The following XXYLT1 variants were observed in gnomAD, a reference collection of about 807,000 sequenced individuals.
XXYLT1 encodes UDP-xylose:alpha-xyloside alpha-1,3-xylosyltransferase.
Under a neutral mutation model 28.9 loss-of-function variants are expected in XXYLT1, and 20 were observed. That is an observed-to-expected ratio of 0.69 (90% CI 0.49 to 1.00). The LOEUF (loss-of-function observed/expected upper bound fraction) is 1.00, where lower values mean the gene tolerates loss of function less well. Ranked by LOEUF, XXYLT1 falls within the 50% of genes least tolerant of loss-of-function variation. The pLI, the probability that XXYLT1 is intolerant of heterozygous loss-of-function variation, is 0.00. For synonymous variants in XXYLT1, 257 were observed against 253.8 expected (o/e 1.01, Z -0.12); for missense variants, 542 against 560.1 (o/e 0.97, Z 0.33).
At position 195,124,920 on chromosome 3, in the gene XXYLT1, T is replaced by G. The variant is rs1235798043; in HGVS notation, c.785+31529A>C. On this transcript the variant is annotated intron_variant, in intron 3 of 3. Transcript: ENST00000310380. The surrounding 1 kb of genome is among the most constrained non-coding windows in gnomAD (Gnocchi z 4.1). ...CTATCAGGCTGCGGGTGCACAAGGC[T>G]GTCCCGGGTTATTTGAAGGACAGAG... Among the ~76,000 whole-genome samples, 1 of 152,222 alleles carries G rather than the reference T, an allele frequency of 6.6e-6. No homozygotes were observed. Among genetic ancestry groups the G allele is most frequent in the Non-Finnish European group, 1.5e-5 (1 of 68,038 alleles).
chr3:195,251,882 G>A (rs1239260813), intron 1 of XXYLT1, among the ~76,000 whole-genome samples: 2 of 152,188 alleles, frequency 1.3e-5, no homozygotes, highest in African/African-American at 4.8e-5. Flanking sequence ...GCCCCTTCCA[G>A]GCGTGACCCT....
intron 3 of XXYLT1, among the ~76,000 whole-genome samples, chr3:195,097,272 C>T (rs1716500466): frequency 6.6e-6 from 1 of 152,224 alleles, no homozygotes; most frequent in Non-Finnish European, 1.5e-5. Flanking sequence ...GAGAGATATA[C>T]TGTAGCTGAC....
chr3:195,125,414 T>G (rs948708344), intron 3 of XXYLT1, among the ~76,000 whole-genome samples: 1 of 152,092 alleles, frequency 6.6e-6, no homozygotes. Context: ...TCTCCTTAGG[T>G]AGGGCCATGG....
At chr3:195,082,781 A>C (rs6774906) in intron 3 of XXYLT1, among the ~76,000 whole-genome samples, 17,304 of 151,884 alleles carry the variant, frequency 0.11, 1,751 homozygotes, top group African/African-American at 0.27. Flanking sequence ...CCCCGGGGGA[A>C]GGAGGTTGCA....
At position 195,256,704 on chromosome 3, in the gene XXYLT1, C is replaced by G. The variant is rs536790730; in HGVS notation, c.504+13851G>C. 10 of 491,238 alleles carry G rather than the reference C, an allele frequency of 2.0e-5. No homozygotes were observed. The highest frequency in any genetic ancestry group is 1.3e-4 in the Admixed American group (2 of 15,676). The allele number at this position is 491,238 out of a possible 1,614,324, so 30.4% of individuals were successfully genotyped here. A position where few individuals can be genotyped will look rare whatever the true frequency, so the allele number is the denominator to read the frequency against. ...TCCCCACTCCTCTTATGATGAGAAA[C>G]TGAGGCAAAGACATCAGAAGGCCTT... On this transcript the variant is annotated intron_variant, in intron 1 of 3. Transcript: ENST00000310380. This position sits in a 1 kb window ranked among gnomAD's most constrained non-coding sequence, Gnocchi z 4.2.
At chr3:195,244,279 G>A (rs1279976752) in intron 1 of XXYLT1, among the ~76,000 whole-genome samples, 1 of 152,202 alleles carries the variant, frequency 6.6e-6, no homozygotes, top group Admixed American at 6.5e-5. Flanking sequence ...CAACAGGACG[G>A]CGTGTCTCCA....
chr3:195,073,377 G>A (rs1320856001), intron 3 of XXYLT1, among the ~76,000 whole-genome samples: 2 of 152,148 alleles, frequency 1.3e-5, no homozygotes, highest in Non-Finnish European at 2.9e-5. Flanking sequence ...GTATATTCAG[G>A]GGCACTGTCT....
chr3:195,186,519 G>A (rs1474997999), intron 2 of XXYLT1, among the ~76,000 whole-genome samples: 8 of 151,970 alleles, frequency 5.3e-5, no homozygotes, highest in Non-Finnish European at 8.8e-5. Flanking sequence ...ATATGCTCTC[G>A]GCCTCACTCT....
intron 1 of XXYLT1, among the ~76,000 whole-genome samples, chr3:195,263,489 C>T (rs548765269): frequency 3.9e-5 from 6 of 152,290 alleles, no homozygotes; most frequent in South Asian, 2.1e-4. Flanking sequence ...CTCTCACTCA[C>T]GGCACTGGAT....
chr3:195,260,664 A>G (rs553802729), intron 1 of XXYLT1, among the ~76,000 whole-genome samples: 1 of 152,290 alleles, frequency 6.6e-6, no homozygotes, highest in African/African-American at 2.4e-5. Flanking sequence ...CCCCTCCGAA[A>G]AAGACGGGGC....
Position 195,216,155 on chromosome 3 carries a change from C to G in XXYLT1, c.652+10554G>C, listed in dbSNP as rs190335429. On this transcript the variant is annotated intron_variant, in intron 2 of 3. Coordinates refer to ENST00000310380, the MANE Select transcript of XXYLT1 (RefSeq NM_152531.5). ...CATACCAGAATCTCTGGGACACATTCAAAGCAGTGTGTAGAGGGACATTTA... is the reference window on the plus strand; with the variant it reads ...CATACCAGAATCTCTGGGACACATTGAAAGCAGTGTGTAGAGGGACATTTA... Among the ~76,000 whole-genome samples, 1,352 of 152,268 alleles carry G rather than the reference C, an allele frequency of 8.9e-3. 17 individuals carry two copies. The highest frequency in any genetic ancestry group is 0.025 in the African/African-American group (1,033 of 41,550).
chr3:195,102,644 G>A (rs1360234899), intron 3 of XXYLT1, among the ~76,000 whole-genome samples: 5 of 151,790 alleles, frequency 3.3e-5, no homozygotes, highest in Admixed American at 3.3e-4. Flanking sequence ...TTTAAAGGCC[G>A]AGTAATATTC....
chr3:195,170,030 T>C (rs1408492804), intron 2 of XXYLT1, among the ~76,000 whole-genome samples: 1 of 151,832 alleles, frequency 6.6e-6, no homozygotes, highest in African/African-American at 2.4e-5. Context: ...TTTGTATTTT[T>C]AGTAGAGACA....
intron 1 of XXYLT1, among the ~76,000 whole-genome samples, chr3:195,245,159 A>ATTT (rs533706205): frequency 1.5e-5 from 2 of 132,362 alleles, no homozygotes; most frequent in South Asian, 2.4e-4. Flanking sequence ...GCCCAAGAAA[A>ATTT]TTTTTTTTTT....
At chr3:195,253,952 T>A (rs752581976) in intron 1 of XXYLT1, among the ~76,000 whole-genome samples, 1 of 152,092 alleles carries the variant, frequency 6.6e-6, no homozygotes, top group Non-Finnish European at 1.5e-5. Flanking sequence ...TTCCCTCAAG[T>A]GAGTTTTAAA....
At chr3:195,156,176 G>A (rs1720579720) in intron 3 of XXYLT1, among the ~76,000 whole-genome samples, 1 of 152,198 alleles carries the variant, frequency 6.6e-6, no homozygotes, top group Admixed American at 6.5e-5. Flanking sequence ...TTAAAATTCT[G>A]AGCTTAACCA....
At chr3:195,200,883 G>T (rs1211486011) in intron 2 of XXYLT1, among the ~76,000 whole-genome samples, 1 of 152,028 alleles carries the variant, frequency 6.6e-6, no homozygotes, top group African/African-American at 2.4e-5. Context: ...AACCCCTCAG[G>T]TCTCAGTCTC....
chr3:195,182,320 ACTG>A (rs758971974), intron 2 of XXYLT1, among the ~76,000 whole-genome samples: 1 of 152,308 alleles, frequency 6.6e-6, no homozygotes, highest in African/African-American at 2.4e-5. Context: ...GTCAACTGTC[ACTG>A]CTGCTGCTGC....
At position 195,239,157 on chromosome 3, in the gene XXYLT1, T is replaced by C. The variant is rs188581498; in HGVS notation, c.505-12301A>G. Among the ~76,000 whole-genome samples, 423 of 152,314 alleles carry C rather than the reference T, an allele frequency of 2.8e-3. 4 individuals carry two copies. The Middle Eastern group carries it at 0.048, about 17-fold the overall frequency. ...CTTAAAGATAAATGAGTATGCTTCA[T>C]GGAATAGACTTTATGCAGCAAGAGG... On this transcript the variant is annotated intron_variant, in intron 1 of 3. Transcript: ENST00000310380.
Sources: gnomAD v4.1 joint callset for allele counts (sites outside exome capture counted in the v4.1 genomes callset) on GRCh38, gnomAD v4.1.1 for gene constraint, Gnocchi (gnomAD v3.1) non-coding constraint, MANE v1.5 for transcripts, NCBI Gene and HGNC (gene_info 2026-07-23, HGNC 2026-07-21) for gene names.